Variants in AQR observed in about 807,000 individuals in gnomAD.
The protein encoded by AQR is aquarius intron-binding spliceosomal factor.
AQR carries 61 observed loss-of-function variants against 180.5 expected under a neutral mutation model. The observed-to-expected ratio is 0.34, with a 90% confidence interval of 0.28 to 0.42. The LOEUF is 0.42. AQR is among the 10% of genes least tolerant of loss of function. The pLI is 1.00. For synonymous variants in AQR, 551 were observed against 588.8 expected, an observed-to-expected ratio of 0.94 and a Z score of 0.93; for missense variants, 1,281 against 1,798.3, an observed-to-expected ratio of 0.71 and a Z score of 5.20.
In AQR at chr15:34,896,454, C is replaced by G. The variant is rs1202636568; in HGVS notation, c.2460+443G>C. Among the ~76,000 whole-genome samples, 6 of 151,448 alleles carry G rather than the reference C, an allele frequency of 4.0e-5. No individual in the cohort carries two copies. In the South Asian group the frequency reaches 1.2e-3, roughly 31 times the overall value. On this transcript the variant is annotated intron_variant, in intron 22 of 34. Transcript: ENST00000156471. ...CTAAATGCATAAGAACCTACACTTA[C>G]TTGTAAACGCTTAAATTCAGCGGGG...
chr15:34,944,492 C>CTA, intron 5 of AQR, 64 bp from the exon 6 acceptor site: 1 of 1,473,292 alleles, frequency 6.8e-7, no homozygotes, highest in Non-Finnish European at 9.0e-7. Flanking sequence ...TAAAGAAGCC[C>CTA]TAGTAGGCTT....
intron 13 of AQR, among the ~76,000 whole-genome samples, chr15:34,925,447 A>G (rs1394476657): frequency 6.6e-6 from 1 of 152,264 alleles, no homozygotes; most frequent in Non-Finnish European, 1.5e-5. Flanking sequence ...TTTTAAACGC[A>G]TGCCCCGTTT....
intron 19 of AQR, among the ~76,000 whole-genome samples, chr15:34,903,671 A>T (rs991076431): frequency 6.6e-6 from 1 of 152,166 alleles, no homozygotes; most frequent in African/African-American, 2.4e-5. Flanking sequence ...AATGTCTAAG[A>T]AGTACTGCAC....
intron 29 of AQR, 152 bp downstream of exon 29, chr15:34,874,525 A>G: frequency 2.8e-6 from 2 of 726,366 alleles, no homozygotes; most frequent in South Asian, 1.9e-5. Context: ...CATCTCTTGC[A>G]GAAGTCGACA....
intron 28 of AQR, among the ~76,000 whole-genome samples, chr15:34,875,491 G>A (rs1892877366): frequency 1.3e-5 from 2 of 151,864 alleles, no homozygotes; most frequent in Non-Finnish European, 2.9e-5. Flanking sequence ...TGCTTCAATA[G>A]TAAAGAATAT....
chr15:34,887,081 C>T (rs1462943547), intron 24 of AQR, among the ~76,000 whole-genome samples: 2 of 150,882 alleles, frequency 1.3e-5, no homozygotes, highest in African/African-American at 4.9e-5. Flanking sequence ...GCAGAGATGG[C>T]GCCACTGCAC....
intron 15 of AQR, among the ~76,000 whole-genome samples, chr15:34,916,831 CTA>C (rs1893597516): frequency 7.2e-6 from 1 of 139,016 alleles, no homozygotes; most frequent in Admixed American, 7.5e-5. Flanking sequence ...TCAGAAAAAT[CTA>C]TAGACTACGG....
At chr15:34,946,341 T>TA (rs1367931369) in intron 5 of AQR, among the ~76,000 whole-genome samples, 1 of 152,224 alleles carries the variant, frequency 6.6e-6, no homozygotes, top group East Asian at 1.9e-4. Flanking sequence ...TAACTTTTTT[T>TA]ATTCATGTAA....
At chr15:34,965,297 A>C (rs770151202) in intron 1 of AQR, among the ~76,000 whole-genome samples, 4 of 152,218 alleles carry the variant, frequency 2.6e-5, no homozygotes, top group Non-Finnish European at 1.5e-5. Flanking sequence ...CATACAACAC[A>C]CTTAAAGAGC....
At position 34,963,743 on chromosome 15, in the gene AQR, A is replaced by C. The variant is rs1476366809; in HGVS notation, c.132+491T>G. On this transcript the variant is annotated intron_variant, in intron 2 of 34. Transcript: ENST00000156471. ...CAGTGGTGCGATCTCGACTCACTGC[A>C]CGCTCCGCCTCCCAGGTTCACGCCA... Among the ~76,000 whole-genome samples, 3 of 149,652 alleles carry C rather than the reference A, an allele frequency of 2.0e-5. 1 individual carries two copies. The highest frequency in any genetic ancestry group is 4.4e-5 in the Non-Finnish European group (3 of 67,914).
Position 34,857,112 on chromosome 15 carries a change from T to TAAA in AQR, c.4144-9_4144-7dup. On this transcript the variant is annotated splice_region_variant and splice_polypyrimidine_tract_variant and intron_variant, in intron 34 of 34. Transcript: ENST00000156471. Reference sequence around the variant, plus strand: ...GGTGGTAGTTGTAATAAAGTCTAATTAAAAAAAAAAAAACAAAGACAATAC... The same window carrying TAAA: ...GGTGGTAGTTGTAATAAAGTCTAATTAAAAAAAAAAAAAAAACAAAGACAATAC... 1.1e-5 allele frequency: 14 copies of TAAA among 1,220,326 alleles called. No individual in the cohort carries two copies. Among genetic ancestry groups the TAAA allele is most frequent in the East Asian group, 2.8e-5 (1 of 36,234 alleles). The allele number at this position is 1,220,326 out of a possible 1,614,324, so 75.6% of individuals were successfully genotyped here. A position where few individuals can be genotyped will look rare whatever the true frequency, so the allele number is the denominator to read the frequency against.
intron 25 of AQR, among the ~76,000 whole-genome samples, chr15:34,885,305 C>T (rs986634926): frequency 8.5e-5 from 13 of 152,144 alleles, no homozygotes; most frequent in African/African-American, 3.1e-4. Context: ...GTTAGCTATG[C>T]GTCTACCAGC....
In AQR at chr15:34,938,733, A is replaced by ACAGT; in HGVS notation, c.718+3_718+4insACTG. 6.5e-7 allele frequency: 1 copy of ACAGT among 1,546,426 alleles called. No individual in the cohort carries two copies. The highest frequency in any genetic ancestry group is 1.7e-5 in the Admixed American group (1 of 59,126). On this transcript the variant is annotated splice_donor_region_variant and intron_variant, in intron 9 of 34. Transcript: ENST00000156471. The stretch of plus-strand genomic sequence containing the variant: ...ACAAATGCACTGAGTAAAAAAGAAG[A>ACAGT]TACCAGAAAGTGGGACTGATTTCAG...
intron 4 of AQR, among the ~76,000 whole-genome samples, chr15:34,949,972 T>TAAAAAAAAAAA (rs374857238): frequency 7.6e-6 from 1 of 131,456 alleles, no homozygotes; most frequent in Non-Finnish European, 1.6e-5. Flanking sequence ...TCTCCAAAAC[T>TAAAAAAAAAAA]AAAAAAAAAA....
intron 13 of AQR, among the ~76,000 whole-genome samples, chr15:34,921,105 G>T (rs1893677365): frequency 6.6e-6 from 1 of 152,100 alleles, no homozygotes; most frequent in African/African-American, 2.4e-5. Context: ...GACAAAATGG[G>T]AAGTACATAT....
intron 13 of AQR, among the ~76,000 whole-genome samples, chr15:34,924,921 A>G (rs1475056988): frequency 6.3e-4 from 7 of 11,152 alleles, no homozygotes; most frequent in South Asian, 4.8e-3. Context: ...GCTAAATGTA[A>G]AAAAAAAAAA....
At position 34,857,112 on chromosome 15, in the gene AQR, T is replaced by TAA. The variant is rs371217912; in HGVS notation, c.4144-8_4144-7dup. On this transcript the variant is annotated splice_region_variant and splice_polypyrimidine_tract_variant and intron_variant, in intron 34 of 34. Transcript: ENST00000156471. ...GGTGGTAGTTGTAATAAAGTCTAATTAAAAAAAAAAAAACAAAGACAATAC... is the reference window on the plus strand; with the variant it reads ...GGTGGTAGTTGTAATAAAGTCTAATTAAAAAAAAAAAAAAACAAAGACAATAC... 7.7e-4 allele frequency: 930 copies of TAA among 1,210,228 alleles called. No individual in the cohort carries two copies. Among genetic ancestry groups the TAA allele is most frequent in the African/African-American group, 3.8e-3 (247 of 64,656 alleles). 75.0% of individuals were successfully genotyped at this position (1,210,228 alleles called of 1,614,324 possible).
chr15:34,965,215 T>C (rs2050304068), intron 1 of AQR, among the ~76,000 whole-genome samples: 1 of 152,266 alleles, frequency 6.6e-6, no homozygotes, highest in Non-Finnish European at 1.5e-5. Context: ...TATCCATCTT[T>C]CCTTCTCATT....
chr15:34,896,949 G>A lies in AQR; in HGVS notation c.2408C>T (p.Thr803Ile), dbSNP rs760067619. Residue 803 changes from threonine to isoleucine, a missense_variant, in exon 22 of 35, where the codon ACT (threonine) becomes ATT (isoleucine). This residue lies in a region of AQR where 112 missense variants were observed against 128.6 expected (regional missense o/e 0.87). Coordinates refer to ENST00000156471, the MANE Select transcript of AQR (RefSeq NM_014691.3). ...NQPKRNTIQF[T>I]HTQIEAIRAG... ...ACGGATGGCTTCTATCTGTGTATGAGTGAACTGAATCGTATTACTGCAAAT... is the reference window on the plus strand; with the variant it reads ...ACGGATGGCTTCTATCTGTGTATGAATGAACTGAATCGTATTACTGCAAAT... The A allele has an allele frequency of 6.2e-6, 10 of 1,613,044 alleles. No homozygotes were observed. In the East Asian group the frequency reaches 2.2e-4, roughly 36 times the overall value.
Sources: allele counts gnomAD v4.1 joint callset (sites outside exome capture counted in the v4.1 genomes callset), GRCh38; gene constraint gnomAD v4.1.1; regional missense constraint gnomAD v4.1.1; transcripts MANE v1.5; gene names NCBI Gene and HGNC (gene_info 2026-07-23, HGNC 2026-07-21).